ZC3H12B: variants seen among roughly 807,000 people sequenced by gnomAD.
The protein encoded by ZC3H12B is probable ribonuclease ZC3H12B.
ZC3H12B carries 7 observed loss-of-function variants against 43.9 expected under a neutral mutation model. The ratio of observed to expected loss-of-function variants is 0.16; its 90% CI spans 0.09 to 0.30. The LOEUF is 0.30. ZC3H12B is among the 10% of genes least tolerant of loss of function. The pLI is 1.00. For missense variants in ZC3H12B, 475 were observed against 670.2 expected (o/e 0.71, Z 3.22); for synonymous variants, 222 against 241.7 (o/e 0.92, Z 0.76).
the ZC3H12B span, among the ~76,000 whole-genome samples, chrX:65,293,987 T>C: frequency 9.0e-6 from 1 of 111,565 alleles, no homozygotes. Context: ...GACATCTAAG[T>C]ACAAGAAGCT....
chrX:65,276,296 C>G, the ZC3H12B span, among the ~76,000 whole-genome samples: 5 of 111,601 alleles, frequency 4.5e-5, no homozygotes, highest in Non-Finnish European at 9.4e-5. Context: ...TAGGAGAAAA[C>G]TTTCCAAATC....
chrX:65,428,177 C>T (rs2067107706), intron 3 of ZC3H12B, among the ~76,000 whole-genome samples: 1 of 111,909 alleles, frequency 8.9e-6, no homozygotes, highest in Non-Finnish European at 1.9e-5. Context: ...GCCTTTATGT[C>T]TGGCTGCTTT....
the ZC3H12B span, among the ~76,000 whole-genome samples, chrX:65,306,066 T>C: frequency 8.9e-6 from 1 of 112,470 alleles, no homozygotes; most frequent in Admixed American, 9.4e-5. Context: ...ATACCTTCTC[T>C]ATCATGATAA....
chrX:65,489,511 CTG>C, intron 1 of ZC3H12B, 102 bp downstream of exon 6: 5 of 975,459 alleles, frequency 5.1e-6, no homozygotes, highest in Non-Finnish European at 6.8e-6. Flanking sequence ...TGGCTATTGA[CTG>C]TGGCGTGTGT....
the ZC3H12B span, among the ~76,000 whole-genome samples, chrX:65,121,007 A>T: frequency 9.3e-4 from 103 of 111,141 alleles, no homozygotes; most frequent in Non-Finnish European, 1.5e-3. Flanking sequence ...AGCCCACTTG[A>T]TCATGGTGGA....
At chrX:65,409,805 A>G (rs1411149421) in intron 3 of ZC3H12B, among the ~76,000 whole-genome samples, 6 of 111,671 alleles carry the variant, frequency 5.4e-5, no homozygotes, top group Non-Finnish European at 1.1e-4. Context: ...GATGAAAGAA[A>G]TTGAAGAGGA....
the ZC3H12B span, among the ~76,000 whole-genome samples, chrX:65,067,201 C>T: frequency 2.8e-5 from 3 of 105,322 alleles, no homozygotes; most frequent in South Asian, 4.0e-4. Context: ...AAAAAAAACT[C>T]GTGCAGCTAA....
chrX:65,403,664 A>C (rs1332076673), intron 3 of ZC3H12B, among the ~76,000 whole-genome samples: 19 of 111,767 alleles, frequency 1.7e-4, no homozygotes, highest in Non-Finnish European at 1.9e-5. Flanking sequence ...AGAGTGTGAC[A>C]TGACATATTT....
At chrX:65,474,974 T>C (rs1431295365) in intron 3 of ZC3H12B, among the ~76,000 whole-genome samples, 1 of 112,436 alleles carries the variant, frequency 8.9e-6, no homozygotes, top group Non-Finnish European at 1.9e-5. Context: ...TTATCTTTTG[T>C]GTGTCTATTA....
chrX:65,414,050 T>C (rs1323703660), intron 3 of ZC3H12B, among the ~76,000 whole-genome samples: 1 of 112,313 alleles, frequency 8.9e-6, no homozygotes, highest in African/African-American at 3.2e-5. Context: ...GTAAATTGAA[T>C]TGTTTTATTC....
the ZC3H12B span, among the ~76,000 whole-genome samples, chrX:65,127,718 G>A: frequency 6.6e-3 from 731 of 110,808 alleles, 9 homozygotes; most frequent in African/African-American, 0.023. Flanking sequence ...GGAGGATGGG[G>A]ATATGGTTCT....
chrX:65,375,692 C>T (rs1007472332), intron 2 of ZC3H12B, among the ~76,000 whole-genome samples: 8 of 111,065 alleles, frequency 7.2e-5, no homozygotes, highest in Non-Finnish European at 1.5e-4. Flanking sequence ...ACATCCTGAG[C>T]CAGAAGGGAA....
At chrX:65,130,664 A>T in the ZC3H12B span, among the ~76,000 whole-genome samples, 25 of 111,850 alleles carry the variant, frequency 2.2e-4, no homozygotes, top group Non-Finnish European at 4.1e-4. Context: ...TGTAACCTAC[A>T]TGGAAGACGT....
the ZC3H12B span, among the ~76,000 whole-genome samples, chrX:65,133,283 A>G: frequency 9.0e-6 from 1 of 110,868 alleles, no homozygotes; most frequent in Non-Finnish European, 1.9e-5. Context: ...GGTGAGGCTA[A>G]TTAAGTCCTG....
the ZC3H12B span, among the ~76,000 whole-genome samples, chrX:65,192,807 G>A: frequency 9.0e-6 from 1 of 111,481 alleles, no homozygotes. Context: ...TAGATAGATT[G>A]TTTTTGAGAT....
the ZC3H12B span, among the ~76,000 whole-genome samples, chrX:65,118,867 T>A: frequency 2.0e-5 from 2 of 101,317 alleles, no homozygotes. Flanking sequence ...TTCTCATTGT[T>A]CAATTCTCAC....
chrX:65,117,965 C>G, the ZC3H12B span, among the ~76,000 whole-genome samples: 3 of 111,260 alleles, frequency 2.7e-5, no homozygotes, highest in Admixed American at 2.9e-4. Context: ...GTTACTGTAG[C>G]CTTGTAGTAT....
the ZC3H12B span, among the ~76,000 whole-genome samples, chrX:65,306,003 G>A: frequency 9.0e-6 from 1 of 111,716 alleles, no homozygotes; most frequent in Non-Finnish European, 1.9e-5. Flanking sequence ...ATGACCTTTT[G>A]TTATATTTAT....
the ZC3H12B span, among the ~76,000 whole-genome samples, chrX:65,346,837 G>A: frequency 1.8e-5 from 2 of 112,214 alleles, no homozygotes; most frequent in African/African-American, 6.5e-5. Flanking sequence ...ATATCCCTGG[G>A]ACAGAGCACC....
Sources: allele counts gnomAD v4.1 joint callset (sites outside exome capture counted in the v4.1 genomes callset), GRCh38; gene constraint gnomAD v4.1.1; transcripts MANE v1.5; gene names NCBI Gene and HGNC (gene_info 2026-07-23, HGNC 2026-07-21).